LRMDA: variants seen among roughly 807,000 people sequenced by gnomAD.
LRMDA encodes leucine rich melanocyte differentiation associated.
In LRMDA, 18 loss-of-function variants were observed where a neutral mutation model predicts 29.8. The observed-to-expected ratio is 0.60, with a 90% CI of 0.42 to 0.90. The LOEUF (loss-of-function observed/expected upper bound fraction) is 0.90. Ranked by LOEUF, LRMDA falls within the 40% of genes least tolerant of loss-of-function variation. The pLI is 0.00. For missense variants in LRMDA, 273 were observed against 273.9 expected (o/e 1.00, Z 0.02); for synonymous variants, 125 against 109.4 (o/e 1.14, Z -0.89).
intron 2 of LRMDA, among the ~76,000 whole-genome samples, chr10:75,483,410 A>G (rs80188907): frequency 0.011 from 1,647 of 152,328 alleles, 33 homozygotes; most frequent in African/African-American, 0.038. Flanking sequence ...AAAAATACCC[A>G]TAGAATTTAA....
chr10:75,782,795 A>G (rs538518903), intron 2 of LRMDA: 40 of 1,422,536 alleles, frequency 2.8e-5, no homozygotes, highest in Middle Eastern at 4.6e-4. Context: ...AAGACCCGCA[A>G]CTTTCACTTG....
At chr10:75,483,932 G>A (rs1844881400) in intron 2 of LRMDA, among the ~76,000 whole-genome samples, 1 of 135,314 alleles carries the variant, frequency 7.4e-6, no homozygotes, top group Admixed American at 7.9e-5. Context: ...TGGCATTTAT[G>A]GACATGACCA....
intron 6 of LRMDA, among the ~76,000 whole-genome samples, chr10:76,416,159 C>T (rs942244731): frequency 3.3e-5 from 5 of 152,152 alleles, no homozygotes; most frequent in African/African-American, 1.2e-4. Context: ...AAGCATTCAA[C>T]TAATATGGCA....
chr10:76,259,915 C>T (rs568128706), intron 5 of LRMDA, among the ~76,000 whole-genome samples: 1 of 152,030 alleles, frequency 6.6e-6, no homozygotes. Flanking sequence ...CTTTTGGTTT[C>T]TCTTTGTGTG....
chr10:75,477,873 A>T (rs1271824709), intron 2 of LRMDA, among the ~76,000 whole-genome samples: 3 of 152,256 alleles, frequency 2.0e-5, no homozygotes, highest in African/African-American at 7.2e-5. Flanking sequence ...ACTCCCTGTC[A>T]TGCAGGCCTC....
chr10:76,203,158 A>G (rs1404700239), intron 5 of LRMDA, among the ~76,000 whole-genome samples: 1 of 152,188 alleles, frequency 6.6e-6, no homozygotes, highest in Admixed American at 6.5e-5. Flanking sequence ...AAGTGACTGG[A>G]CATTTTGGAG....
chr10:76,196,648 A>C (rs1279641654), intron 5 of LRMDA, among the ~76,000 whole-genome samples: 1 of 152,222 alleles, frequency 6.6e-6, no homozygotes, highest in Non-Finnish European at 1.5e-5. Flanking sequence ...ACTGTGCCTT[A>C]ATCATTAAGT....
chr10:75,452,647 A>C (rs1004764438), intron 2 of LRMDA, among the ~76,000 whole-genome samples: 3 of 148,544 alleles, frequency 2.0e-5, no homozygotes, highest in Admixed American at 6.8e-5. Flanking sequence ...TATTCCTCTG[A>C]AAATTCAGCA....
intron 2 of LRMDA, among the ~76,000 whole-genome samples, chr10:75,443,029 G>A (rs779729867): frequency 1.3e-5 from 2 of 151,850 alleles, no homozygotes; most frequent in Non-Finnish European, 2.9e-5. Context: ...TGGTGTATAG[G>A]GATGCAGCTG....
chr10:75,680,368 G>C (rs1371400042), intron 2 of LRMDA, among the ~76,000 whole-genome samples: 2 of 152,202 alleles, frequency 1.3e-5, no homozygotes, highest in Admixed American at 6.5e-5. Flanking sequence ...AAGAAGGAAA[G>C]GGGGGATGGA....
intron 2 of LRMDA, among the ~76,000 whole-genome samples, chr10:75,884,243 C>CT (rs1259428752): frequency 3.4e-5 from 2 of 59,292 alleles, no homozygotes; most frequent in Non-Finnish European, 8.4e-5. Flanking sequence ...GGGCAGGCGA[C>CT]TTTGTGTGTG....
chr10:75,644,484 T>G (rs1264972568), intron 2 of LRMDA, among the ~76,000 whole-genome samples: 2 of 152,348 alleles, frequency 1.3e-5, no homozygotes, highest in South Asian at 4.1e-4. Context: ...GTGATATAAC[T>G]GAATCTAATC....
chr10:75,719,555 G>A (rs1842541266), intron 2 of LRMDA, among the ~76,000 whole-genome samples: 1 of 152,162 alleles, frequency 6.6e-6, no homozygotes, highest in African/African-American at 2.4e-5. Flanking sequence ...TTTAACTTTT[G>A]AACAGGAAAG....
intron 2 of LRMDA, among the ~76,000 whole-genome samples, chr10:75,776,248 G>T (rs375181875): frequency 1.3e-5 from 2 of 152,102 alleles, no homozygotes; most frequent in South Asian, 2.1e-4. Context: ...TTTTTCTCTC[G>T]AGAACTTGAG....
chr10:76,359,546 G>A (rs971554649), intron 6 of LRMDA, among the ~76,000 whole-genome samples: 16 of 152,080 alleles, frequency 1.1e-4, no homozygotes, highest in Admixed American at 5.9e-4. Context: ...CCAGGCCTCC[G>A]GTTTCCTCTG....
chr10:76,115,181 A>G lies in LRMDA; in HGVS notation c.516+56398A>G, dbSNP rs547085789. Among the ~76,000 whole-genome samples the G allele has an allele frequency of 5.9e-5, 9 of 152,314 alleles. No individual in the cohort carries two copies. In the South Asian group the frequency reaches 1.9e-3, roughly 32 times the overall value. Reference sequence around the variant, plus strand: ...GTTTTAATGAATCACTTTAAAAATGATTGTGGTATTTAATTTTCCTTACTA... The same window carrying G: ...GTTTTAATGAATCACTTTAAAAATGGTTGTGGTATTTAATTTTCCTTACTA... On this transcript the variant is annotated intron_variant, in intron 5 of 6. Coordinates refer to ENST00000611255, the MANE Select transcript of LRMDA (RefSeq NM_001305581.2).
rs926126649 is a variant in LRMDA, at chr10:75,698,246, G to C, written c.131+259752G>C. On this transcript the variant is annotated intron_variant, in intron 2 of 6. Transcript: ENST00000611255. ...TGATCTAGACATGGAATCAGATTTG[G>C]ATTCCAACCCCAGCTCCGACCCCTA... is the stretch of plus-strand genomic sequence containing the variant. 2.6e-5 allele frequency among the ~76,000 whole-genome samples: 4 copies of C among 152,030 alleles called. No homozygotes were observed. The East Asian group carries it at 7.7e-4, about 29-fold the overall frequency.
At chr10:75,688,994 T>C (rs1427315144) in intron 2 of LRMDA, among the ~76,000 whole-genome samples, 1 of 152,170 alleles carries the variant, frequency 6.6e-6, no homozygotes, top group East Asian at 1.9e-4. Flanking sequence ...CTTTTTATGT[T>C]TTTTACAGTA....
chr10:76,280,619 G>T (rs1049195026), intron 5 of LRMDA, among the ~76,000 whole-genome samples: 4 of 152,054 alleles, frequency 2.6e-5, no homozygotes, highest in African/African-American at 9.7e-5. Context: ...ATTAGTCTGG[G>T]AGAGAATGTA....
Sources: allele counts gnomAD v4.1 joint callset (sites outside exome capture counted in the v4.1 genomes callset), GRCh38; gene constraint gnomAD v4.1.1; transcripts MANE v1.5; gene names NCBI Gene and HGNC (gene_info 2026-07-23, HGNC 2026-07-21).